Variants in RBM47 observed in about 807,000 individuals in gnomAD.
RBM47 encodes the protein RNA binding motif protein 47.
A neutral mutation model predicts 47.1 loss-of-function variants in RBM47; 21 were observed. That is an observed-to-expected ratio of 0.45 (90% CI 0.32 to 0.64). The LOEUF (loss-of-function observed/expected upper bound fraction) is 0.64. RBM47 is among the 30% of genes least tolerant of loss of function. RBM47 has a pLI of 0.05. For synonymous variants in RBM47, 375 were observed against 361.7 expected (o/e 1.04, Z -0.42); for missense variants, 708 against 870.9 (o/e 0.81, Z 2.35).
intron 2 of RBM47, among the ~76,000 whole-genome samples, chr4:40,501,146 T>A (rs543934486): frequency 6.6e-6 from 1 of 152,330 alleles, no homozygotes; most frequent in East Asian, 1.9e-4. Flanking sequence ...GCTGGCTTCA[T>A]TTATCGTGAC....
Position 40,511,491 on chromosome 4 carries a change from C to T in RBM47, c.-155+32931G>A, listed in dbSNP as rs556012848. The stretch of plus-strand genomic sequence containing the variant: ...ACATAGAAGCATTATTATCATATCA[C>T]GTTTAATAGCAGCAGAGTCTAAAAT... On this transcript the variant is annotated intron_variant, in intron 2 of 6. Transcript: ENST00000295971. 5.3e-5 allele frequency among the ~76,000 whole-genome samples: 8 copies of T among 152,268 alleles called. No homozygotes were observed. In the South Asian group the frequency reaches 8.3e-4, roughly 16 times the overall value.
Position 40,432,959 on chromosome 4 carries a change from T to TA in RBM47, c.1331-98dup, listed in dbSNP as rs1438785480. On this transcript the variant is annotated intron_variant, in intron 5 of 6. Transcript: ENST00000295971. ...AAGATATTTTTTATTTTTATTTTTT[T>TA]AAAAACTTTTCTTTTTTTTGAGACA... The TA allele has an allele frequency of 1.2e-3, 1,751 of 1,472,692 alleles. 4 individuals carry two copies. The highest frequency in any genetic ancestry group is 1.1e-3 in the Non-Finnish European group (1,202 of 1,115,914). 91.2% of individuals were successfully genotyped at this position (1,472,692 alleles called of 1,614,324 possible). A position where few individuals can be genotyped will look rare whatever the true frequency, so the allele number is the denominator to read the frequency against.
rs1737962659 is a variant in RBM47, at chr4:40,628,695, G to A, written c.-240+701C>T. Among the ~76,000 whole-genome samples, 4 of 152,138 alleles carry A rather than the reference G, an allele frequency of 2.6e-5. No individual in the cohort carries two copies. The South Asian group carries it at 8.3e-4, about 32-fold the overall frequency. Reference sequence around the variant, plus strand: ...AAAGGTTTGATTTTTAGTTCAGGTCGGTAATGGCCTGTAAGTACCTTGAAG... The same window carrying A: ...AAAGGTTTGATTTTTAGTTCAGGTCAGTAATGGCCTGTAAGTACCTTGAAG... On this transcript the variant is annotated intron_variant, in intron 1 of 6. Transcript: ENST00000295971. The surrounding 1 kb of genome is among the most constrained non-coding windows in gnomAD (Gnocchi z 4.0).
chr4:40,462,792 T>C (rs1717362869), intron 3 of RBM47, among the ~76,000 whole-genome samples: 1 of 151,646 alleles, frequency 6.6e-6, no homozygotes, highest in Non-Finnish European at 1.5e-5. Flanking sequence ...ACACTATATA[T>C]AAAAATAAAC....
At chr4:40,463,356 C>CA (rs964971590) in intron 3 of RBM47, among the ~76,000 whole-genome samples, 1 of 151,952 alleles carries the variant, frequency 6.6e-6, no homozygotes, top group African/African-American at 2.4e-5. Flanking sequence ...TGGCAATTAT[C>CA]AAAAAAACAA....
At position 40,558,962 on chromosome 4, in the gene RBM47, C is replaced by A. The variant is rs186869768; in HGVS notation, c.-239-14456G>T. Among the ~76,000 whole-genome samples, 167 of 152,262 alleles carry A rather than the reference C, an allele frequency of 1.1e-3. 1 individual carries two copies. Among genetic ancestry groups the A allele is most frequent in the African/African-American group, 3.8e-3 (159 of 41,546 alleles). On this transcript the variant is annotated intron_variant, in intron 1 of 6. Transcript: ENST00000295971. ...TGAGCCAAGATTTCGCCACTGCACTCCAGCCTGGGTGACAGAGTGAGACTC... is the reference window on the plus strand; with the variant it reads ...TGAGCCAAGATTTCGCCACTGCACTACAGCCTGGGTGACAGAGTGAGACTC...
At chr4:40,435,811 T>C (rs1712240806) in intron 5 of RBM47, among the ~76,000 whole-genome samples, 2 of 151,904 alleles carry the variant, frequency 1.3e-5, no homozygotes, top group Admixed American at 1.3e-4. Flanking sequence ...ACAACTCTCC[T>C]TACTTAGCCA....
At chr4:40,539,145 C>T (rs984805319) in intron 2 of RBM47, among the ~76,000 whole-genome samples, 1 of 151,988 alleles carries the variant, frequency 6.6e-6, no homozygotes. Flanking sequence ...ATAAACAGTA[C>T]CAAGTAATGT....
intron 1 of RBM47, among the ~76,000 whole-genome samples, chr4:40,620,317 C>T (rs2154281282): frequency 6.6e-6 from 1 of 151,818 alleles, no homozygotes; most frequent in South Asian, 2.1e-4. Context: ...ACCAGCCTGG[C>T]CAACATGGTG....
intron 1 of RBM47, among the ~76,000 whole-genome samples, chr4:40,558,525 A>C (rs1455360710): frequency 7.0e-5 from 3 of 42,832 alleles, no homozygotes; most frequent in Non-Finnish European, 1.1e-4. Context: ...TTAAAACTAC[A>C]AAAAAAAAAA....
chr4:40,594,939 T>G (rs1242591367), intron 1 of RBM47, among the ~76,000 whole-genome samples: 1 of 152,206 alleles, frequency 6.6e-6, no homozygotes, highest in Non-Finnish European at 1.5e-5. Context: ...ATGATTAATC[T>G]TTGTATTCTA....
intron 1 of RBM47, among the ~76,000 whole-genome samples, chr4:40,564,170 T>G (rs1279447319): frequency 6.6e-6 from 1 of 152,248 alleles, no homozygotes; most frequent in Non-Finnish European, 1.5e-5. Context: ...GACCACTGAC[T>G]ATGCTCTGGC....
intron 1 of RBM47, among the ~76,000 whole-genome samples, chr4:40,581,920 G>A (rs1732993368): frequency 6.6e-6 from 1 of 151,964 alleles, no homozygotes; most frequent in Non-Finnish European, 1.5e-5. Flanking sequence ...CATATCCAAT[G>A]CTGACCTCAT....
chr4:40,486,700 G>C (rs1431517927), intron 2 of RBM47, among the ~76,000 whole-genome samples: 2 of 152,198 alleles, frequency 1.3e-5, no homozygotes, highest in African/African-American at 4.8e-5. Flanking sequence ...GGTGAGGGTT[G>C]GGTAGAGGGC....
intron 1 of RBM47, among the ~76,000 whole-genome samples, chr4:40,571,675 G>A (rs1731727719): frequency 6.6e-6 from 1 of 151,960 alleles, no homozygotes; most frequent in South Asian, 2.1e-4. Flanking sequence ...TTTGGATACA[G>A]TGGGCACTGC....
At chr4:40,572,180 C>T (rs1453995307) in intron 1 of RBM47, among the ~76,000 whole-genome samples, 1 of 149,702 alleles carries the variant, frequency 6.7e-6, no homozygotes, top group Admixed American at 6.6e-5. Context: ...GTCAGGGGTT[C>T]GAAACCAGCC....
In RBM47 at chr4:40,467,352, T is replaced by TCAC. The variant is rs576594799; in HGVS notation, c.-154-654_-154-653insGTG. On this transcript the variant is annotated intron_variant, in intron 2 of 6. Coordinates refer to ENST00000295971, the MANE Select transcript of RBM47 (RefSeq NM_001098634.2). Reference sequence around the variant, plus strand: ...TCGCCCAGGCTGGAGTGCAGTTGCGTAGTCTCGGCTCACTGCAAACGCCAC... The same window carrying TCAC: ...TCGCCCAGGCTGGAGTGCAGTTGCGTCACAGTCTCGGCTCACTGCAAACGCCAC... Among the ~76,000 whole-genome samples, 565 of 151,932 alleles carry TCAC rather than the reference T, an allele frequency of 3.7e-3. 4 individuals carry two copies. The highest frequency in any genetic ancestry group is 0.013 in the African/African-American group (534 of 41,430).
At chr4:40,556,717 T>C (rs538480414) in intron 1 of RBM47, among the ~76,000 whole-genome samples, 1 of 151,882 alleles carries the variant, frequency 6.6e-6, no homozygotes, top group Non-Finnish European at 1.5e-5. Context: ...TGGCGAAATC[T>C]TGTCTCTATA....
At chr4:40,535,737 T>C (rs1727908795) in intron 2 of RBM47, among the ~76,000 whole-genome samples, 1 of 152,134 alleles carries the variant, frequency 6.6e-6, no homozygotes, top group Non-Finnish European at 1.5e-5. Flanking sequence ...TTTTTGTATT[T>C]TGAGTAGAGA....
Sources: allele counts gnomAD v4.1 joint callset (sites outside exome capture counted in the v4.1 genomes callset), GRCh38; gene constraint gnomAD v4.1.1; non-coding constraint Gnocchi (gnomAD v3.1); transcripts MANE v1.5; gene names NCBI Gene and HGNC (gene_info 2026-07-23, HGNC 2026-07-21).